Variants in ANKRD31 observed in about 807,000 individuals in gnomAD.
ANKRD31 encodes the protein ankyrin repeat domain-containing protein 31.
In ANKRD31, 147 loss-of-function variants were observed where a neutral mutation model predicts 186.0. The ratio of observed to expected loss-of-function variants is 0.79; its 90% CI spans 0.69 to 0.91. The LOEUF (loss-of-function observed/expected upper bound fraction) is 0.91, where lower values mean the gene tolerates loss of function less well. ANKRD31 is among the 40% of genes least tolerant of loss of function. The probability of loss-of-function intolerance (pLI) is 0.00; values close to 1 mark genes in which losing one functional copy is unlikely to be tolerated. For missense variants in ANKRD31, 1,986 were observed against 2,148.8 expected (o/e 0.92, Z 1.50); for synonymous variants, 673 against 736.4 (o/e 0.91, Z 1.39).
intron 20 of ANKRD31, among the ~76,000 whole-genome samples, chr5:75,112,200 C>G (rs1747844007): frequency 6.6e-6 from 1 of 152,122 alleles, no homozygotes; most frequent in Admixed American, 6.6e-5. Context: ...ATGCCATTCT[C>G]CTGCCTCAGC....
chr5:75,231,533 A>G (rs928437247), intron 1 of ANKRD31, among the ~76,000 whole-genome samples: 2 of 152,250 alleles, frequency 1.3e-5, no homozygotes, highest in South Asian at 4.1e-4. Flanking sequence ...TGAGTATGCT[A>G]TTAGGCAAAC....
chr5:75,079,868 T>A (rs1744948438), intron 25 of ANKRD31, among the ~76,000 whole-genome samples: 1 of 152,066 alleles, frequency 6.6e-6, no homozygotes, highest in Non-Finnish European at 1.5e-5. Flanking sequence ...TTTGTGAGGC[T>A]GAGGTGGGCA....
intron 2 of ANKRD31, among the ~76,000 whole-genome samples, chr5:75,227,371 G>A (rs139844174): frequency 6.6e-6 from 1 of 152,268 alleles, no homozygotes; most frequent in African/African-American, 2.4e-5. Context: ...TAGCACAACA[G>A]AGTGAGTATA....
At chr5:75,074,490 T>A (rs997415659) in intron 25 of ANKRD31, among the ~76,000 whole-genome samples, 1 of 152,074 alleles carries the variant, frequency 6.6e-6, no homozygotes, top group Admixed American at 6.6e-5. Flanking sequence ...TTTGTTGAGA[T>A]CCACAAGAAA....
intron 25 of ANKRD31, among the ~76,000 whole-genome samples, chr5:75,074,979 A>G (rs1222673576): frequency 6.6e-6 from 1 of 152,260 alleles, no homozygotes; most frequent in Admixed American, 6.5e-5. Flanking sequence ...CCAGTATGTA[A>G]TAATATTTTT....
chr5:75,197,578 G>A (rs1482262998), intron 6 of ANKRD31, among the ~76,000 whole-genome samples: 2 of 152,080 alleles, frequency 1.3e-5, no homozygotes, highest in Admixed American at 1.3e-4. Flanking sequence ...TGTTAGCAAT[G>A]CTAACTATAA....
intron 24 of ANKRD31, 82 bp from the exon 25 acceptor site, chr5:75,080,721 C>T: frequency 2.7e-6 from 2 of 730,864 alleles, no homozygotes; most frequent in African/African-American, 1.8e-5. Flanking sequence ...GGTCACCCTA[C>T]CGATGGGAAA....
Position 75,173,736 on chromosome 5 carries a change from C to A in ANKRD31, c.1565-4615G>T, listed in dbSNP as rs527530391. Among the ~76,000 whole-genome samples, 5 of 152,188 alleles carry A rather than the reference C, an allele frequency of 3.3e-5. No individual in the cohort carries two copies. In the South Asian group the frequency reaches 8.3e-4, roughly 25 times the overall value. On this transcript the variant is annotated intron_variant, in intron 10 of 25. Coordinates refer to ENST00000506364, the MANE Select transcript of ANKRD31 (RefSeq NM_001372053.1). ...CACTGCTCAATGAAATAAGAGGAGA[C>A]AAACAAATGGAAGAACATTCCATGC...
At chr5:75,105,337 C>G (rs926658735) in intron 21 of ANKRD31, 119 bp from the exon 22 acceptor site, 2 of 1,112,432 alleles carry the variant, frequency 1.8e-6, no homozygotes, top group African/African-American at 3.2e-5. Context: ...ATACACAAAA[C>G]TATGCCTGTG....
chr5:75,171,075 A>T (rs927081612), intron 10 of ANKRD31, among the ~76,000 whole-genome samples: 52 of 152,058 alleles, frequency 3.4e-4, no homozygotes, highest in African/African-American at 1.2e-3. Flanking sequence ...GATCAATGAG[A>T]CATAAAATCA....
chr5:75,132,525 C>T (rs1316879684), intron 17 of ANKRD31, among the ~76,000 whole-genome samples: 1 of 152,086 alleles, frequency 6.6e-6, no homozygotes, highest in Non-Finnish European at 1.5e-5. Context: ...TGTGAAAAGA[C>T]CAAATATACA....
rs535492983 is a variant in ANKRD31, at chr5:75,179,684, C to T, written c.1564+8809G>A. Among the ~76,000 whole-genome samples the T allele has an allele frequency of 1.1e-4, 16 of 151,878 alleles. No individual in the cohort carries two copies. In the East Asian group the frequency reaches 1.2e-3, roughly 11 times the overall value. ...AAGGCCTTTGACAAAATTCAACAAC[C>T]CTTCATGTTAAAAACTCTCAATAAA... is the stretch of plus-strand genomic sequence containing the variant. On this transcript the variant is annotated intron_variant, in intron 10 of 25. Coordinates refer to ENST00000506364, the MANE Select transcript of ANKRD31 (RefSeq NM_001372053.1).
intron 10 of ANKRD31, among the ~76,000 whole-genome samples, chr5:75,177,917 C>G (rs147986568): frequency 8.8e-4 from 134 of 152,108 alleles, no homozygotes; most frequent in African/African-American, 3.2e-3. Flanking sequence ...CTAAATGCTC[C>G]AATTAAAAGG....
intron 10 of ANKRD31, among the ~76,000 whole-genome samples, chr5:75,187,724 C>T (rs1381456966): frequency 6.6e-6 from 1 of 152,038 alleles, no homozygotes; most frequent in East Asian, 1.9e-4. Context: ...AGTATAAACC[C>T]AGGCTTTGCT....
chr5:75,140,256 AAGG>A lies in ANKRD31; in HGVS notation c.3596-1276_3596-1274del, dbSNP rs1191001478. The stretch of plus-strand genomic sequence containing the variant: ...GAAAGAAGGAAGGAAGGAAGGAAGG[AAGG>A]AAGGAAGGAAAGAGAGAGAGAGAAA... On this transcript the variant is annotated intron_variant, in intron 15 of 25. Coordinates refer to ENST00000506364, the MANE Select transcript of ANKRD31 (RefSeq NM_001372053.1). Among the ~76,000 whole-genome samples the A allele has an allele frequency of 7.8e-3, 707 of 90,722 alleles. 13 individuals carry two copies. Among genetic ancestry groups the A allele is most frequent in the African/African-American group, 0.04 (442 of 10,982 alleles). The allele number at this position is 90,722 out of a possible 152,430, so 59.5% of individuals were successfully genotyped here. A position where few individuals can be genotyped will look rare whatever the true frequency, so the allele number is the denominator to read the frequency against.
intron 12 of ANKRD31, among the ~76,000 whole-genome samples, chr5:75,152,713 T>G (rs1751922807): frequency 6.6e-6 from 1 of 151,974 alleles, no homozygotes; most frequent in Non-Finnish European, 1.5e-5. Flanking sequence ...AACAAAGATC[T>G]TTTCCTTCAT....
In ANKRD31 at chr5:75,190,733, A is replaced by C. The variant is rs1047480535; in HGVS notation, c.1408+1934T>G. Among the ~76,000 whole-genome samples the C allele has an allele frequency of 5.3e-5, 8 of 151,616 alleles. No individual in the cohort carries two copies. The South Asian group carries it at 6.3e-4, about 12-fold the overall frequency. On this transcript the variant is annotated intron_variant, in intron 9 of 25. Transcript: ENST00000506364. The stretch of plus-strand genomic sequence containing the variant: ...TTAATTAATTATTGTTATTATTATT[A>C]TCTGACATGTAAAAAGGGATACTTA...
At chr5:75,151,701 C>T (rs1384240834) in intron 12 of ANKRD31, among the ~76,000 whole-genome samples, 2 of 151,922 alleles carry the variant, frequency 1.3e-5, no homozygotes, top group Non-Finnish European at 2.9e-5. Context: ...CATTTAAAAC[C>T]ATTTAGATCG....
chr5:75,151,260 A>G (rs1350370795), intron 12 of ANKRD31, among the ~76,000 whole-genome samples: 4 of 152,046 alleles, frequency 2.6e-5, no homozygotes, highest in Non-Finnish European at 2.9e-5. Context: ...ACCTAACAAT[A>G]ATTGGAAGAA....
Sources: allele counts gnomAD v4.1 joint callset (sites outside exome capture counted in the v4.1 genomes callset), GRCh38; gene constraint gnomAD v4.1.1; transcripts MANE v1.5; gene names NCBI Gene and HGNC (gene_info 2026-07-23, HGNC 2026-07-21).